FBXL2: variants seen among roughly 807,000 people sequenced by gnomAD.
FBXL2 encodes the protein F-box/LRR-repeat protein 2.
FBXL2 carries 38 observed loss-of-function variants against 69.2 expected under a neutral mutation model. The ratio of observed to expected loss-of-function variants is 0.55; its 90% CI spans 0.42 to 0.72. The LOEUF (loss-of-function observed/expected upper bound fraction) is 0.72. FBXL2 is among the 30% of genes least tolerant of loss of function. The pLI, the probability that FBXL2 is intolerant of heterozygous loss-of-function variation, is 0.00. For synonymous variants in FBXL2, 192 were observed against 201.3 expected, an observed-to-expected ratio of 0.95 and a Z score of 0.39; for missense variants, 354 against 520.3, an observed-to-expected ratio of 0.68 and a Z score of 3.11.
intron 1 of FBXL2, among the ~76,000 whole-genome samples, chr3:33,296,072 G>T (rs2035723735): frequency 6.6e-6 from 1 of 151,940 alleles, no homozygotes; most frequent in Non-Finnish European, 1.5e-5. Flanking sequence ...TTGTTTGTTT[G>T]TTTGTGTTTC....
the FBXL2 span, chr3:33,415,871 A>T: frequency 1.3e-5 from 2 of 152,164 alleles, no homozygotes; most frequent in Non-Finnish European, 2.9e-5. Context: ...CCATCATTTG[A>T]TCCCTAAGTA....
intron 13 of FBXL2, among the ~76,000 whole-genome samples, chr3:33,380,598 C>T (rs935497708): frequency 2.0e-5 from 3 of 151,416 alleles, no homozygotes; most frequent in Non-Finnish European, 4.4e-5. Flanking sequence ...GAGAAAAATC[C>T]CCAGTTGCCA....
At chr3:33,361,510 C>CA (rs200469234) in intron 4 of FBXL2, among the ~76,000 whole-genome samples, 27 of 147,992 alleles carry the variant, frequency 1.8e-4, no homozygotes, top group East Asian at 7.9e-4. Context: ...GGCCCTGTCT[C>CA]AAAAAAAAAA....
At chr3:33,286,816 TG>T (rs2034676057) in intron 1 of FBXL2, among the ~76,000 whole-genome samples, 1 of 152,228 alleles carries the variant, frequency 6.6e-6, no homozygotes, top group African/African-American at 2.4e-5. Context: ...TGAGGCTCCG[TG>T]GGTGTGGGAC....
chr3:33,358,006 A>G (rs1027637299), intron 2 of FBXL2, among the ~76,000 whole-genome samples: 1 of 151,476 alleles, frequency 6.6e-6, no homozygotes, highest in Non-Finnish European at 1.5e-5. Flanking sequence ...TTATGATTCT[A>G]CTCTTCTTCC....
At chr3:33,339,189 C>A (rs2039823934) in intron 2 of FBXL2, among the ~76,000 whole-genome samples, 1 of 152,162 alleles carries the variant, frequency 6.6e-6, no homozygotes, top group African/African-American at 2.4e-5. Context: ...AGCCCAACAT[C>A]ATTAATCATT....
downstream of FBXL2, among the ~76,000 whole-genome samples, chr3:33,405,882 A>C (rs1209362930): frequency 1.3e-5 from 2 of 152,222 alleles, no homozygotes; most frequent in East Asian, 3.8e-4. Context: ...ACAGGGGCTT[A>C]AAACGCTTGT....
At chr3:33,326,901 T>C (rs1394333134) in intron 2 of FBXL2, among the ~76,000 whole-genome samples, 2 of 152,180 alleles carry the variant, frequency 1.3e-5, no homozygotes, top group African/African-American at 4.8e-5. Context: ...AAATACAAAA[T>C]AAAAATGCTG....
downstream of FBXL2, chr3:33,391,489 C>G (rs2154054155): frequency 6.6e-6 from 1 of 152,324 alleles, no homozygotes; most frequent in South Asian, 2.1e-4. Flanking sequence ...AAATTTACAT[C>G]TCAAGCCCAG....
intron 13 of FBXL2, chr3:33,382,972 C>T (rs979548915): frequency 1.1e-4 from 17 of 152,256 alleles, no homozygotes; most frequent in Non-Finnish European, 2.2e-4. Flanking sequence ...CCTGCTACCC[C>T]TGGGCCTTGC....
At chr3:33,313,524 C>T (rs1226333038) in intron 2 of FBXL2, among the ~76,000 whole-genome samples, 5 of 152,162 alleles carry the variant, frequency 3.3e-5, no homozygotes, top group Non-Finnish European at 5.9e-5. Flanking sequence ...TGGCTTACTG[C>T]AACCTCAACC....
chr3:33,312,783 C>G (rs2037327222), intron 2 of FBXL2, among the ~76,000 whole-genome samples: 1 of 151,984 alleles, frequency 6.6e-6, no homozygotes, highest in African/African-American at 2.4e-5. Context: ...AAAGAGACAA[C>G]ATTTACCATT....
chr3:33,344,697 G>A (rs1199295683), intron 2 of FBXL2, among the ~76,000 whole-genome samples: 1 of 152,088 alleles, frequency 6.6e-6, no homozygotes, highest in African/African-American at 2.4e-5. Flanking sequence ...ACTAAAGAAA[G>A]TGGTAGGAAA....
At chr3:33,326,793 T>G (rs2038734350) in intron 2 of FBXL2, among the ~76,000 whole-genome samples, 1 of 152,208 alleles carries the variant, frequency 6.6e-6, no homozygotes, top group Non-Finnish European at 1.5e-5. Context: ...GTTTCATCTT[T>G]GGAGGTATTA....
At chr3:33,308,485 A>G (rs1038507995) in intron 2 of FBXL2, among the ~76,000 whole-genome samples, 5 of 152,176 alleles carry the variant, frequency 3.3e-5, no homozygotes, top group African/African-American at 4.8e-5. Flanking sequence ...TTATGTCTCT[A>G]TCTTCTTCCA....
At chr3:33,325,843 C>T (rs1401733393) in intron 2 of FBXL2, among the ~76,000 whole-genome samples, 2 of 151,930 alleles carry the variant, frequency 1.3e-5, no homozygotes, top group Non-Finnish European at 2.9e-5. Flanking sequence ...ATAAATGGAA[C>T]CCAGCCATAA....
chr3:33,340,144 C>T (rs973314343), intron 2 of FBXL2, among the ~76,000 whole-genome samples: 5 of 152,052 alleles, frequency 3.3e-5, no homozygotes, highest in Non-Finnish European at 7.4e-5. Flanking sequence ...TCTCTGGGTG[C>T]ATAAAAAGGC....
At chr3:33,286,889 G>C (rs1158552734) in intron 1 of FBXL2, among the ~76,000 whole-genome samples, 2 of 152,206 alleles carry the variant, frequency 1.3e-5, no homozygotes, top group East Asian at 3.9e-4. Context: ...CATTGGAAAA[G>C]CGCAGTATTA....
intron 2 of FBXL2, among the ~76,000 whole-genome samples, chr3:33,346,900 G>A (rs538084158): frequency 2.6e-5 from 4 of 152,208 alleles, no homozygotes; most frequent in African/African-American, 9.6e-5. Context: ...ATACAGGCAT[G>A]CAGTGTATAA....
Sources: allele counts gnomAD v4.1 joint callset (sites outside exome capture counted in the v4.1 genomes callset), GRCh38; gene constraint gnomAD v4.1.1; transcripts MANE v1.5; gene names NCBI Gene and HGNC (gene_info 2026-07-23, HGNC 2026-07-21).